Variants in INTS7 observed in about 807,000 individuals in gnomAD.
INTS7 encodes the protein integrator complex subunit 7.
INTS7 carries 46 observed loss-of-function variants against 109.2 expected under a neutral mutation model. The ratio of observed to expected loss-of-function variants is 0.42; its 90% CI spans 0.33 to 0.54. The LOEUF (loss-of-function observed/expected upper bound fraction) is 0.54, where lower values mean the gene tolerates loss of function less well. Ranked by LOEUF, INTS7 falls within the 20% of genes least tolerant of loss-of-function variation. INTS7 has a pLI of 0.07. For synonymous variants in INTS7, 412 were observed against 402.9 expected (o/e 1.02, Z -0.27); for missense variants, 929 against 1,132.4 (o/e 0.82, Z 2.58).
intron 5 of INTS7, among the ~76,000 whole-genome samples, chr1:212,008,644 G>A (rs965946920): frequency 6.6e-6 from 1 of 152,132 alleles, no homozygotes; most frequent in Non-Finnish European, 1.5e-5. Context: ...ATCTGCACTA[G>A]GAGGTCTCAG....
chr1:212,014,091 A>G (rs1048519821), intron 4 of INTS7, among the ~76,000 whole-genome samples: 3 of 152,184 alleles, frequency 2.0e-5, no homozygotes, highest in Non-Finnish European at 2.9e-5. Flanking sequence ...ATTAATTTTG[A>G]TCTGTGAAAT....
At chr1:212,015,516 G>T (rs569159453) in intron 4 of INTS7, among the ~76,000 whole-genome samples, 1 of 151,612 alleles carries the variant, frequency 6.6e-6, no homozygotes, top group South Asian at 2.1e-4. Context: ...CAGCATACTC[G>T]TTAAGAGTCA....
At chr1:211,952,143 G>A (rs1390790325) in intron 17 of INTS7, among the ~76,000 whole-genome samples, 1 of 152,192 alleles carries the variant, frequency 6.6e-6, no homozygotes, top group Non-Finnish European at 1.5e-5. Context: ...ACCTGAGTGT[G>A]TGTAAAACTA....
intron 10 of INTS7, among the ~76,000 whole-genome samples, chr1:211,979,371 C>A (rs908176195): frequency 2.0e-5 from 3 of 152,136 alleles, no homozygotes; most frequent in Admixed American, 6.5e-5. Flanking sequence ...GCTCAGCTTG[C>A]CCCTTATTAG....
At chr1:211,989,965 T>C (rs866154869) in intron 7 of INTS7, among the ~76,000 whole-genome samples, 2 of 152,312 alleles carry the variant, frequency 1.3e-5, no homozygotes, top group Middle Eastern at 6.8e-3. Flanking sequence ...GTGTCACTTT[T>C]TACCTATCAG....
intron 13 of INTS7, among the ~76,000 whole-genome samples, chr1:211,970,211 T>C (rs1664110260): frequency 6.6e-6 from 1 of 151,932 alleles, no homozygotes; most frequent in Non-Finnish European, 1.5e-5. Context: ...GTATCAGGGG[T>C]AAGTCTTGGG....
At chr1:211,952,332 G>A in intron 17 of INTS7, 1 of 357,774 alleles carries the variant, frequency 2.8e-6, no homozygotes, top group Non-Finnish European at 4.9e-6. Flanking sequence ...CATTCTGGTA[G>A]AGCAGATTTT....
At chr1:211,999,072 G>A (rs900097185) in intron 7 of INTS7, among the ~76,000 whole-genome samples, 1 of 152,184 alleles carries the variant, frequency 6.6e-6, no homozygotes, top group African/African-American at 2.4e-5. Flanking sequence ...AAAACGGTTT[G>A]GCAGTTTCTT....
chr1:211,999,965 C>G (rs985532226), intron 7 of INTS7, among the ~76,000 whole-genome samples: 1 of 152,098 alleles, frequency 6.6e-6, no homozygotes, highest in African/African-American at 2.4e-5. Flanking sequence ...ATTAGCCAAG[C>G]AGGGTGGCTC....
chr1:211,948,218 T>A (rs145522799), intron 17 of INTS7, among the ~76,000 whole-genome samples: 2 of 152,322 alleles, frequency 1.3e-5, no homozygotes, highest in African/African-American at 4.8e-5. Context: ...CCATTCCTTA[T>A]TGGGTTCAGG....
At chr1:211,976,463 T>C in intron 12 of INTS7, 119 bp downstream of exon 12, 1 of 865,328 alleles carries the variant, frequency 1.2e-6, no homozygotes. Context: ...TCAGAACCCA[T>C]GACTAAAAGG....
At chr1:211,951,725 A>G (rs1663101118) in intron 17 of INTS7, among the ~76,000 whole-genome samples, 1 of 152,236 alleles carries the variant, frequency 6.6e-6, no homozygotes, top group Non-Finnish European at 1.5e-5. Flanking sequence ...CTCACCAGGA[A>G]CCGAATCTGC....
At chr1:212,020,531 A>C (rs1666643412) in intron 2 of INTS7, among the ~76,000 whole-genome samples, 1 of 152,082 alleles carries the variant, frequency 6.6e-6, no homozygotes, top group African/African-American at 2.4e-5. Flanking sequence ...ATCTCCTCAA[A>C]CTATATTATA....
Position 211,941,621 on chromosome 1 carries a change from TG to T in INTS7, c.*202del. 3.1e-6 allele frequency: 2 copies of T among 652,900 alleles called. No individual in the cohort carries two copies. Among genetic ancestry groups the T allele is most frequent in the Non-Finnish European group, 5.1e-6 (2 of 394,344 alleles). 40.4% of individuals were successfully genotyped at this position (652,900 alleles called of 1,614,324 possible). Reference sequence around the variant, plus strand: ...CGCCCACCTCAGCCTCCCAAAGTGCTGGGATTACAGGCGTGAGCAACCACGC... The same window carrying T: ...CGCCCACCTCAGCCTCCCAAAGTGCTGGATTACAGGCGTGAGCAACCACGC... On this transcript the variant is annotated 3_prime_UTR_variant, in exon 20 of 20. Coordinates refer to ENST00000366994, the MANE Select transcript of INTS7 (RefSeq NM_015434.4).
In INTS7 at chr1:212,032,239, C is replaced by G. The variant is rs551400532; in HGVS notation, c.94+3105G>C. ...TCAGTGTCACCATCTCGGTCTAAGCCACTATTTTCTTTTCCCTGGATTGTT... is the reference window on the plus strand; with the variant it reads ...TCAGTGTCACCATCTCGGTCTAAGCGACTATTTTCTTTTCCCTGGATTGTT... On this transcript the variant is annotated intron_variant, in intron 1 of 19. Coordinates refer to ENST00000366994, the MANE Select transcript of INTS7 (RefSeq NM_015434.4). Among the ~76,000 whole-genome samples, 162 of 152,294 alleles carry G rather than the reference C, an allele frequency of 1.1e-3. 1 individual carries two copies. The highest frequency in any genetic ancestry group is 3.4e-3 in the Middle Eastern group (1 of 294).
chr1:211,994,333 T>A (rs750919391), intron 7 of INTS7, among the ~76,000 whole-genome samples: 17 of 152,070 alleles, frequency 1.1e-4, no homozygotes, highest in Non-Finnish European at 2.4e-4. Flanking sequence ...TTCAAAAATA[T>A]ATCTAGGCTA....
intron 6 of INTS7, 106 bp downstream of exon 6, chr1:212,007,144 A>T: frequency 1.3e-6 from 1 of 788,334 alleles, no homozygotes; most frequent in Non-Finnish European, 2.0e-6. Flanking sequence ...ATTAGAGAAA[A>T]GAACCTTAAT....
chr1:211,965,198 A>C (rs1440654147), intron 16 of INTS7, among the ~76,000 whole-genome samples: 1 of 151,404 alleles, frequency 6.6e-6, no homozygotes, highest in Non-Finnish European at 1.5e-5. Context: ...AAAAAAAAAA[A>C]CTCAACATCG....
chr1:211,991,759 T>A (rs1665158937), intron 7 of INTS7, among the ~76,000 whole-genome samples: 1 of 152,128 alleles, frequency 6.6e-6, no homozygotes, highest in South Asian at 2.1e-4. Flanking sequence ...AGAAAGGCCA[T>A]AAGAATGACA....
Sources: gnomAD v4.1 joint callset for allele counts (sites outside exome capture counted in the v4.1 genomes callset) on GRCh38, gnomAD v4.1.1 for gene constraint, MANE v1.5 for transcripts, NCBI Gene and HGNC (gene_info 2026-07-23, HGNC 2026-07-21) for gene names.